CACNB4: variants seen among roughly 807,000 people sequenced by gnomAD.
CACNB4 encodes the protein calcium voltage-gated channel auxiliary subunit beta 4, also known as voltage-dependent L-type calcium channel subunit beta-4.
Under a neutral mutation model 71.2 loss-of-function variants are expected in CACNB4, and 32 were observed. The ratio of observed to expected loss-of-function variants is 0.45; its 90% CI spans 0.34 to 0.60. The LOEUF (loss-of-function observed/expected upper bound fraction) is 0.60. CACNB4 is among the 20% of genes least tolerant of loss of function. CACNB4 has a pLI of 0.01. For synonymous variants in CACNB4, 231 were observed against 236.9 expected (o/e 0.97, Z 0.23); for missense variants, 464 against 647.9 (o/e 0.72, Z 3.08).
In CACNB4 at chr2:152,098,575, C is replaced by CCCCCCCCCCCCCCCCA; in HGVS notation, c.64-163_64-162insTGGGGGGGGGGGGGGG. On this transcript the variant is annotated intron_variant, in intron 1 of 13. Coordinates refer to ENST00000539935, the MANE Select transcript of CACNB4 (RefSeq NM_000726.5). This position sits in a 1 kb window ranked among gnomAD's most constrained non-coding sequence, Gnocchi z 5.3. ...GACTCCCAAATACAGCCCCCACCCC[C>CCCCCCCCCCCCCCCCA]ACCCACCCACTGCAAGCCTCGACTG... 2.3e-6 allele frequency: 2 copies of CCCCCCCCCCCCCCCCA among 877,274 alleles called. No homozygotes were observed. The highest frequency in any genetic ancestry group is 1.9e-6 in the Non-Finnish European group (1 of 530,912). The allele number at this position is 877,274 out of a possible 1,614,324, so 54.3% of individuals were successfully genotyped here.
At chr2:151,862,768 G>C (rs1291086740) in intron 9 of CACNB4, among the ~76,000 whole-genome samples, 1 of 152,228 alleles carries the variant, frequency 6.6e-6, no homozygotes, top group Non-Finnish European at 1.5e-5. Context: ...GTTAGTTACA[G>C]CTCAGGTCTA....
At chr2:151,962,838 T>C (rs1249121654) in intron 2 of CACNB4, 1 of 152,212 alleles carries the variant, frequency 6.6e-6, no homozygotes, top group African/African-American at 2.4e-5. Flanking sequence ...GTAGATAAAG[T>C]TCTCACCATT....
intron 2 of CACNB4, among the ~76,000 whole-genome samples, chr2:151,982,579 G>T (rs1371658935): frequency 6.7e-6 from 1 of 150,096 alleles, no homozygotes; most frequent in African/African-American, 2.5e-5. Flanking sequence ...CTTGCAGTGA[G>T]CTGAGATTGC....
intron 2 of CACNB4, among the ~76,000 whole-genome samples, chr2:152,035,868 G>C (rs916440582): frequency 1.3e-5 from 2 of 152,030 alleles, no homozygotes; most frequent in African/African-American, 4.8e-5. Context: ...ACTGTTAAAT[G>C]TGCACACTGT....
At chr2:151,902,889 T>C (rs1267676228) in intron 2 of CACNB4, among the ~76,000 whole-genome samples, 1 of 152,224 alleles carries the variant, frequency 6.6e-6, no homozygotes, top group Non-Finnish European at 1.5e-5. Context: ...CTATACAGAA[T>C]TCTTTTGAAC....
chr2:152,063,529 T>G (rs1000434455), intron 2 of CACNB4, among the ~76,000 whole-genome samples: 1 of 152,176 alleles, frequency 6.6e-6, no homozygotes, highest in Non-Finnish European at 1.5e-5. Flanking sequence ...AGCCTGTGCA[T>G]GCAATCAAGC....
At chr2:151,893,855 A>G (rs1039946500) in intron 2 of CACNB4, among the ~76,000 whole-genome samples, 2 of 152,224 alleles carry the variant, frequency 1.3e-5, no homozygotes, top group Non-Finnish European at 2.9e-5. Context: ...TTCATATCCA[A>G]AGAACTCTAA....
intron 2 of CACNB4, among the ~76,000 whole-genome samples, chr2:151,955,502 G>T (rs2099868026): frequency 6.6e-6 from 1 of 152,198 alleles, no homozygotes. Context: ...ATCCAAGACT[G>T]CAGGTGGCTA....
At chr2:151,974,795 C>T (rs2099873471) in intron 2 of CACNB4, among the ~76,000 whole-genome samples, 1 of 125,596 alleles carries the variant, frequency 8.0e-6, no homozygotes, top group Admixed American at 9.4e-5. Context: ...TCTCTAGGTA[C>T]TTAGAACTTT....
rs146052318 is a variant in CACNB4, at chr2:152,087,025, G to A, written c.147+11305C>T. On this transcript the variant is annotated intron_variant, in intron 2 of 13. Coordinates refer to ENST00000539935, the MANE Select transcript of CACNB4 (RefSeq NM_000726.5). ...CACATGCCTGTAATCCCAGCTACTC[G>A]GGAGGCTGAGGCAGGAGAATTGCTT... Among the ~76,000 whole-genome samples, 1,379 of 152,220 alleles carry A rather than the reference G, an allele frequency of 9.1e-3. 13 individuals carry two copies. Among genetic ancestry groups the A allele is most frequent in the Middle Eastern group, 0.031 (9 of 294 alleles).
intron 2 of CACNB4, among the ~76,000 whole-genome samples, chr2:151,990,708 A>G (rs1681659330): frequency 6.6e-6 from 1 of 152,236 alleles, no homozygotes; most frequent in South Asian, 2.1e-4. Flanking sequence ...CACCATGGGC[A>G]CAACTCTGAC....
chr2:151,883,305 T>C lies in CACNB4; in HGVS notation c.213A>G (p.Glu71=). The change falls in exon 3 of 14, where the codon GAA becomes GAG. Residue 71 remains glutamate (E), a synonymous_variant. Transcript: ENST00000539935. ...GCTGTTCTCTCTCCTGTCGAATTGC[T>C]TCCCGGTCCTCTTCCAAAGAGACAT... ...DSDVSLEEDR[E]AIRQEREQQA... 2 of 1,613,864 alleles carry C rather than the reference T, an allele frequency of 1.2e-6. No individual in the cohort carries two copies. The highest frequency in any genetic ancestry group is 2.2e-5 in the East Asian group (1 of 44,872).
At chr2:151,970,931 G>T (rs1418691672) in intron 2 of CACNB4, 1 of 151,220 alleles carries the variant, frequency 6.6e-6, no homozygotes, top group Non-Finnish European at 1.5e-5. Flanking sequence ...GCCCAAAAAG[G>T]CTCCACAGGA....
rs1250830135 is a variant in CACNB4, at chr2:152,098,234, G to C, written c.147+96C>G. 4.2e-6 allele frequency: 4 copies of C among 947,524 alleles called. No homozygotes were observed. Among genetic ancestry groups the C allele is most frequent in the Non-Finnish European group, 6.7e-6 (4 of 595,422 alleles). 58.7% of individuals were successfully genotyped at this position (947,524 alleles called of 1,614,324 possible). A position where few individuals can be genotyped will look rare whatever the true frequency, so the allele number is the denominator to read the frequency against. On this transcript the variant is annotated intron_variant, in intron 2 of 13. Coordinates refer to ENST00000539935, the MANE Select transcript of CACNB4 (RefSeq NM_000726.5). The surrounding 1 kb of genome is among the most constrained non-coding windows in gnomAD (Gnocchi z 5.3). ...GAAGAGACGCGCGCGGGCTTGACCC[G>C]CAGCTCCCGCACGTGTGGGCCACGG...
At chr2:151,862,359 G>C (rs973527365) in intron 9 of CACNB4, among the ~76,000 whole-genome samples, 3 of 152,164 alleles carry the variant, frequency 2.0e-5, no homozygotes, top group African/African-American at 7.2e-5. Flanking sequence ...CTGTGCAAAA[G>C]TTCTGGTGCC....
At chr2:152,086,972 A>G (rs1373259796) in intron 2 of CACNB4, among the ~76,000 whole-genome samples, 3 of 152,166 alleles carry the variant, frequency 2.0e-5, no homozygotes, top group Admixed American at 1.3e-4. Context: ...TCTCTACTAA[A>G]AAATACAAAA....
intron 2 of CACNB4, among the ~76,000 whole-genome samples, chr2:151,907,079 T>A (rs907614068): frequency 2.6e-5 from 4 of 152,184 alleles, no homozygotes; most frequent in African/African-American, 9.7e-5. Flanking sequence ...TTTCCTTGAG[T>A]TAAACTCAGT....
chr2:151,858,054 T>C (rs1001435565), intron 10 of CACNB4: 4 of 152,224 alleles, frequency 2.6e-5, no homozygotes, highest in Non-Finnish European at 4.4e-5. Context: ...GGCATATTTA[T>C]CTATATAGCT....
intron 2 of CACNB4, among the ~76,000 whole-genome samples, chr2:151,941,385 A>G (rs1317508687): frequency 2.0e-5 from 3 of 150,400 alleles, no homozygotes; most frequent in Non-Finnish European, 4.4e-5. Flanking sequence ...GGGTTCAAGC[A>G]ATTCTCCTGC....
Sources: gnomAD v4.1 joint callset for allele counts (sites outside exome capture counted in the v4.1 genomes callset) on GRCh38, gnomAD v4.1.1 for gene constraint, Gnocchi (gnomAD v3.1) non-coding constraint, MANE v1.5 for transcripts, NCBI Gene and HGNC (gene_info 2026-07-23, HGNC 2026-07-21) for gene names.